COL23A1: variants seen among roughly 807,000 people sequenced by gnomAD.
The protein encoded by COL23A1 is collagen type XXIII alpha 1 chain, also known as collagen alpha-1(XXIII) chain.
In COL23A1, 97 loss-of-function variants were observed where a neutral mutation model predicts 99.3. The observed-to-expected ratio is 0.98, with a 90% CI of 0.83 to 1.16. COL23A1 has a LOEUF of 1.16. Among genes scored for constraint, COL23A1 ranks in the 50% most tolerant of loss-of-function variants. COL23A1 has a pLI of 0.00. For missense variants in COL23A1, 762 were observed against 757.4 expected, an observed-to-expected ratio of 1.01 and a Z score of -0.07; for synonymous variants, 320 against 308.2, an observed-to-expected ratio of 1.04 and a Z score of -0.40.
chr5:178,327,150 G>T (rs1759732697), intron 2 of COL23A1, among the ~76,000 whole-genome samples: 1 of 152,140 alleles, frequency 6.6e-6, no homozygotes, highest in African/African-American at 2.4e-5. Flanking sequence ...TCGTCTTTCT[G>T]ACCAGCCATC....
intron 11 of COL23A1, 36 bp downstream of exon 11, chr5:178,261,686 A>T (rs1488220549): frequency 1.3e-6 from 2 of 1,564,070 alleles, no homozygotes; most frequent in African/African-American, 1.4e-5. Flanking sequence ...ATCCCACCAG[A>T]TCTGGGGAGG....
intron 2 of COL23A1, among the ~76,000 whole-genome samples, chr5:178,422,289 G>C (rs73803091): frequency 6.6e-6 from 1 of 152,048 alleles, no homozygotes; most frequent in South Asian, 2.1e-4. Context: ...GCTCCTGCAC[G>C]TTCTTGCCCG....
chr5:178,471,791 C>G (rs1156343770), intron 2 of COL23A1, among the ~76,000 whole-genome samples: 1 of 152,142 alleles, frequency 6.6e-6, no homozygotes, highest in African/African-American at 2.4e-5. Context: ...CCAGAGCCCA[C>G]TGGAATTATT....
In COL23A1 at chr5:178,306,620, A is replaced by G. The variant is rs1484828821; in HGVS notation, c.406+255T>C. Among the ~76,000 whole-genome samples the G allele has an allele frequency of 1.4e-5, 2 of 141,426 alleles. No individual in the cohort carries two copies. Among genetic ancestry groups the G allele is most frequent in the African/African-American group, 5.1e-5 (2 of 38,928 alleles). 92.8% of individuals were successfully genotyped at this position (141,426 alleles called of 152,430 possible). ...CTCTGGAGTGGGGGACTAGGGGCCA[A>G]CAACGAGGTTCGGGGGATGACTGGG... On this transcript the variant is annotated intron_variant, in intron 3 of 28. Coordinates refer to ENST00000390654, the MANE Select transcript of COL23A1 (RefSeq NM_173465.4). The surrounding 1 kb of genome is among the most constrained non-coding windows in gnomAD (Gnocchi z 4.1).
intron 2 of COL23A1, among the ~76,000 whole-genome samples, chr5:178,499,080 A>C (rs763098984): frequency 1.3e-5 from 2 of 152,160 alleles, no homozygotes; most frequent in African/African-American, 4.8e-5. Flanking sequence ...ACAGAGTGAG[A>C]TTCCATCTCA....
At chr5:178,323,814 C>T (rs961613104) in intron 2 of COL23A1, among the ~76,000 whole-genome samples, 21 of 152,274 alleles carry the variant, frequency 1.4e-4, no homozygotes, top group African/African-American at 4.6e-4. Flanking sequence ...GATGTCTGCT[C>T]TTCTAGTCCG....
chr5:178,470,062 CA>C (rs1458254782), intron 2 of COL23A1, among the ~76,000 whole-genome samples: 1 of 152,230 alleles, frequency 6.6e-6, no homozygotes, highest in African/African-American at 2.4e-5. Context: ...TTGCTAATTC[CA>C]AAGTACTCCA....
At chr5:178,276,657 C>A (rs536220636) in intron 5 of COL23A1, among the ~76,000 whole-genome samples, 64 of 152,352 alleles carry the variant, frequency 4.2e-4, no homozygotes, top group African/African-American at 1.5e-3. Flanking sequence ...GATTTCTCAG[C>A]CTAGGCTCTT....
At position 178,252,558 on chromosome 5, in the gene COL23A1, T is replaced by A; in HGVS notation, c.1000A>T (p.Ile334Phe). 5 of 1,611,982 alleles carry A rather than the reference T, an allele frequency of 3.1e-6. No individual in the cohort carries two copies. The highest frequency in any genetic ancestry group is 2.5e-6 in the Non-Finnish European group (3 of 1,179,200). ...GPQGPPGPPG[I>F]PGAKGELGLP... ...TCTGCACTGACCTTGGCTCCAGGGA[T>A]CCCTGGTGGCCCTGGGGGCCCCTGT... Residue 334 changes from isoleucine to phenylalanine, a missense_variant, in exon 17 of 29, where the codon ATC (isoleucine) becomes TTC (phenylalanine). Physicochemically the swap from Ile to Phe is conservative, Grantham distance 21. Transcript: ENST00000390654.
intron 2 of COL23A1, among the ~76,000 whole-genome samples, chr5:178,355,759 G>A (rs1409118607): frequency 2.6e-5 from 4 of 152,150 alleles, no homozygotes; most frequent in African/African-American, 9.7e-5. Context: ...CAAAGTGCTG[G>A]GAATACAGGC....
At chr5:178,290,299 C>T (rs1757383812) in intron 4 of COL23A1, 63 bp downstream of exon 4, 1 of 1,611,614 alleles carries the variant, frequency 6.2e-7, no homozygotes, top group African/African-American at 1.3e-5. Flanking sequence ...CATGGAATTG[C>T]AACAGAGAGA....
chr5:178,463,666 G>A (rs1005479557), intron 2 of COL23A1, among the ~76,000 whole-genome samples: 4 of 152,158 alleles, frequency 2.6e-5, no homozygotes, highest in Non-Finnish European at 4.4e-5. Flanking sequence ...AGAGGCGAGC[G>A]GGACACAGGC....
chr5:178,526,437 T>C (rs1760314438), intron 2 of COL23A1, among the ~76,000 whole-genome samples: 1 of 152,224 alleles, frequency 6.6e-6, no homozygotes, highest in East Asian at 1.9e-4. Context: ...GACATGGGCC[T>C]GGTGGGGAAG....
intron 5 of COL23A1, among the ~76,000 whole-genome samples, chr5:178,273,749 T>C (rs1447121295): frequency 6.6e-6 from 1 of 152,190 alleles, no homozygotes; most frequent in African/African-American, 2.4e-5. Flanking sequence ...CCGAGCTTTC[T>C]GTGTGGGGCA....
intron 2 of COL23A1, among the ~76,000 whole-genome samples, chr5:178,508,581 CT>C (rs1303065169): frequency 3.3e-5 from 5 of 152,144 alleles, no homozygotes; most frequent in African/African-American, 7.2e-5. Flanking sequence ...CCCACTTGGT[CT>C]TTGTTGATAT....
chr5:178,528,186 C>T (rs1760422697), intron 2 of COL23A1, among the ~76,000 whole-genome samples: 1 of 152,178 alleles, frequency 6.6e-6, no homozygotes, highest in African/African-American at 2.4e-5. Flanking sequence ...GAAACCCTTG[C>T]CCCTCACCTG....
intron 2 of COL23A1, among the ~76,000 whole-genome samples, chr5:178,504,144 A>T (rs1393811099): frequency 6.6e-6 from 1 of 152,112 alleles, no homozygotes; most frequent in Non-Finnish European, 1.5e-5. Flanking sequence ...GCATAAAATG[A>T]GTCACATATC....
chr5:178,488,606 T>G (rs1197394946), intron 2 of COL23A1, among the ~76,000 whole-genome samples: 1 of 152,018 alleles, frequency 6.6e-6, no homozygotes, highest in South Asian at 2.1e-4. Flanking sequence ...AAACTCAGAT[T>G]TGCACAGCAG....
At chr5:178,514,366 C>T (rs1759386763) in intron 2 of COL23A1, among the ~76,000 whole-genome samples, 1 of 152,222 alleles carries the variant, frequency 6.6e-6, no homozygotes, top group South Asian at 2.1e-4. Flanking sequence ...ATTAGGGCTG[C>T]TGTGAACATG....
Sources: allele counts gnomAD v4.1 joint callset (sites outside exome capture counted in the v4.1 genomes callset), GRCh38; gene constraint gnomAD v4.1.1; non-coding constraint Gnocchi (gnomAD v3.1); transcripts MANE v1.5; gene names NCBI Gene and HGNC (gene_info 2026-07-23, HGNC 2026-07-21).